The following SLC60A1 variants were observed in gnomAD, a reference collection of about 807,000 sequenced individuals.
SLC60A1 encodes the protein major facilitator superfamily domain containing 4.
At chr1:205,573,361 G>A in the SLC60A1 span, among the ~76,000 whole-genome samples, 1 of 152,206 alleles carries the variant, frequency 6.6e-6, no homozygotes, top group South Asian at 2.1e-4. Flanking sequence ...GGAGGTTGCA[G>A]TTAGCCGAGA....
At chr1:205,586,031 C>A in the SLC60A1 span, 4 of 1,593,350 alleles carry the variant, frequency 2.5e-6, no homozygotes, top group African/African-American at 5.4e-5. Flanking sequence ...GGTCTCTCCA[C>A]AGGGTGCCTA....
At chr1:205,595,466 C>T in the SLC60A1 span, among the ~76,000 whole-genome samples, 1 of 152,180 alleles carries the variant, frequency 6.6e-6, no homozygotes, top group African/African-American at 2.4e-5. Flanking sequence ...TGCCCTTTGA[C>T]GTTGCCCCTG....
chr1:205,569,383 C>G, the SLC60A1 span: 1 of 989,762 alleles, frequency 1.0e-6, no homozygotes, highest in Non-Finnish European at 1.3e-6. Flanking sequence ...CGCCCCGCGA[C>G]CCGGCCTCTC....
chr1:205,569,379 G>A, the SLC60A1 span: 1 of 900,060 alleles, frequency 1.1e-6, no homozygotes. Flanking sequence ...CTCCCGCCCC[G>A]CGACCCGGCC....
the SLC60A1 span, chr1:205,600,420 A>G: frequency 3.1e-6 from 5 of 1,614,202 alleles, no homozygotes; most frequent in Non-Finnish European, 4.2e-6. Flanking sequence ...TACCCAAGAC[A>G]GATCAATTGG....
the SLC60A1 span, among the ~76,000 whole-genome samples, chr1:205,573,042 C>T: frequency 3.9e-5 from 6 of 152,114 alleles, no homozygotes; most frequent in East Asian, 1.9e-4. Flanking sequence ...GTGGGACGCT[C>T]GCTTGAGCCC....
At chr1:205,599,112 G>A in the SLC60A1 span, 2 of 1,613,650 alleles carry the variant, frequency 1.2e-6, no homozygotes, top group East Asian at 2.2e-5. Flanking sequence ...CTGTCTCTCT[G>A]TGTTTTCCCC....
At chr1:205,598,787 C>A in the SLC60A1 span, 1 of 259,298 alleles carries the variant, frequency 3.9e-6, no homozygotes, top group Non-Finnish European at 7.3e-6. Context: ...ACAATATATC[C>A]TCTGCAAAGT....
At chr1:205,597,809 G>A in the SLC60A1 span, 1 of 1,614,066 alleles carries the variant, frequency 6.2e-7, no homozygotes, top group Non-Finnish European at 8.5e-7. Flanking sequence ...GGTGACAGGG[G>A]CAGGAGTTGG....
chr1:205,592,146 G>A, the SLC60A1 span: 3 of 1,614,144 alleles, frequency 1.9e-6, no homozygotes, highest in Non-Finnish European at 2.5e-6. Context: ...ACAGGTTGGC[G>A]TGGTGGTGAC....
chr1:205,586,154 T>A, the SLC60A1 span: 1 of 1,613,790 alleles, frequency 6.2e-7, no homozygotes, highest in East Asian at 2.2e-5. Flanking sequence ...CCGGCTCCTC[T>A]CCATTCCCAT....
At chr1:205,600,611 A>C in the SLC60A1 span, 2 of 672,924 alleles carry the variant, frequency 3.0e-6, no homozygotes, top group Non-Finnish European at 5.2e-6. Flanking sequence ...AGGAAATTAA[A>C]TTGAGTCCTG....
the SLC60A1 span, chr1:205,581,049 G>A: frequency 5.5e-6 from 7 of 1,283,988 alleles, no homozygotes; most frequent in Non-Finnish European, 7.4e-6. This position sits in a 1 kb window ranked among gnomAD's most constrained non-coding sequence, Gnocchi z 4.2. Flanking sequence ...GCATCCCAGA[G>A]GCAGGAGGAT....
chr1:205,599,349 A>G, the SLC60A1 span: 2 of 1,450,874 alleles, frequency 1.4e-6, no homozygotes, highest in Non-Finnish European at 1.9e-6. Flanking sequence ...CGTGCCAGAA[A>G]CGCTGCTCTG....
chr1:205,582,583 C>T, the SLC60A1 span, among the ~76,000 whole-genome samples: 1 of 152,210 alleles, frequency 6.6e-6, no homozygotes, highest in Non-Finnish European at 1.5e-5. Context: ...GCGATCACGC[C>T]TCTTGTACAG....
At chr1:205,570,946 C>G in the SLC60A1 span, among the ~76,000 whole-genome samples, 3 of 152,186 alleles carry the variant, frequency 2.0e-5, no homozygotes, top group Non-Finnish European at 4.4e-5. Flanking sequence ...GAGATGCACA[C>G]CCACCCAGCT....
At chr1:205,593,206 C>T in the SLC60A1 span, among the ~76,000 whole-genome samples, 1 of 152,074 alleles carries the variant, frequency 6.6e-6, no homozygotes, top group Non-Finnish European at 1.5e-5. Context: ...CGGGGTGGCT[C>T]ACGCCTGTAA....
At chr1:205,572,045 G>A in the SLC60A1 span, among the ~76,000 whole-genome samples, 1 of 152,192 alleles carries the variant, frequency 6.6e-6, no homozygotes, top group African/African-American at 2.4e-5. Flanking sequence ...TGCCTCCATA[G>A]GGATGTGCTT....
At chr1:205,572,761 A>T in the SLC60A1 span, among the ~76,000 whole-genome samples, 1 of 152,234 alleles carries the variant, frequency 6.6e-6, no homozygotes, top group Non-Finnish European at 1.5e-5. Flanking sequence ...CTGAGCGTCC[A>T]GTACCAGACA....
Sources: allele counts gnomAD v4.1 joint callset (sites outside exome capture counted in the v4.1 genomes callset), GRCh38; gene constraint gnomAD v4.1.1; non-coding constraint Gnocchi (gnomAD v3.1); transcripts MANE v1.5; gene names NCBI Gene and HGNC (gene_info 2026-07-23, HGNC 2026-07-21).